Variants in TRAF3 observed in about 807,000 individuals in gnomAD.
TRAF3 encodes TNF receptor-associated factor 3.
Under a neutral mutation model 62.3 loss-of-function variants are expected in TRAF3, and 13 were observed. The ratio of observed to expected loss-of-function variants is 0.21; its 90% CI spans 0.14 to 0.33. The LOEUF (loss-of-function observed/expected upper bound fraction) is 0.33. TRAF3 is among the 10% of genes least tolerant of loss of function. The pLI, the probability that TRAF3 is intolerant of heterozygous loss-of-function variation, is 1.00. For synonymous variants in TRAF3, 269 were observed against 283.4 expected, an observed-to-expected ratio of 0.95 and a Z score of 0.51; for missense variants, 440 against 741.8, an observed-to-expected ratio of 0.59 and a Z score of 4.73.
intron 1 of TRAF3, among the ~76,000 whole-genome samples, chr14:102,798,384 A>T (rs1898214999): frequency 6.6e-6 from 1 of 152,138 alleles, no homozygotes; most frequent in Admixed American, 6.5e-5. Flanking sequence ...TCACACCTGC[A>T]ATCCCAGCAC....
At chr14:102,886,887 TATAGA>T (rs1230099664) in intron 7 of TRAF3, among the ~76,000 whole-genome samples, 2 of 152,258 alleles carry the variant, frequency 1.3e-5, no homozygotes, top group East Asian at 1.9e-4. Context: ...ATTTTAACTC[TATAGA>T]ATAGTAATTG....
chr14:102,904,501 C>A (rs1457674106), intron 11 of TRAF3, among the ~76,000 whole-genome samples: 2 of 152,030 alleles, frequency 1.3e-5, no homozygotes, highest in East Asian at 3.9e-4. Context: ...CAGAGCAAGA[C>A]CTTGCCTCTT....
At chr14:102,875,803 C>A in intron 5 of TRAF3, 75 bp downstream of exon 5, 1 of 1,299,398 alleles carries the variant, frequency 7.7e-7, no homozygotes, top group South Asian at 1.2e-5. Flanking sequence ...ATGAAGTGGT[C>A]AGTAGGATGT....
chr14:102,829,935 G>A (rs1445240772), intron 1 of TRAF3, among the ~76,000 whole-genome samples: 1 of 152,134 alleles, frequency 6.6e-6, no homozygotes, highest in Non-Finnish European at 1.5e-5. Context: ...TCTAAGACCA[G>A]CCTGGGCAAA....
chr14:102,785,296 C>T (rs946207591), intron 1 of TRAF3, among the ~76,000 whole-genome samples: 10 of 152,212 alleles, frequency 6.6e-5, no homozygotes, highest in African/African-American at 2.4e-4. Flanking sequence ...CTTACAGCAG[C>T]CTCCTCGGAT....
intron 1 of TRAF3, among the ~76,000 whole-genome samples, chr14:102,785,936 G>T (rs931060040): frequency 6.6e-6 from 1 of 152,280 alleles, no homozygotes; most frequent in African/African-American, 2.4e-5. Context: ...AGGTGGTGGC[G>T]TGAGAGCCTT....
intron 1 of TRAF3, among the ~76,000 whole-genome samples, chr14:102,814,742 C>G (rs865805103): frequency 1.3e-5 from 2 of 151,990 alleles, no homozygotes; most frequent in Admixed American, 1.3e-4. Context: ...AGGCTGGTCT[C>G]GAGCTCCTGA....
intron 1 of TRAF3, among the ~76,000 whole-genome samples, chr14:102,827,671 A>G (rs1176444567): frequency 6.6e-6 from 1 of 152,226 alleles, no homozygotes; most frequent in Non-Finnish European, 1.5e-5. Context: ...TTTTATATAC[A>G]GCACATGGTC....
At chr14:102,889,455 A>T (rs1215155171) in intron 7 of TRAF3, 105 bp from the exon 8 acceptor site, 18 of 1,181,894 alleles carry the variant, frequency 1.5e-5, no homozygotes, top group Non-Finnish European at 1.8e-5. Context: ...GTAGCGATAA[A>T]CACCATTCTT....
intron 1 of TRAF3, among the ~76,000 whole-genome samples, chr14:102,801,091 G>C (rs1045973557): frequency 6.6e-6 from 1 of 152,332 alleles, no homozygotes; most frequent in East Asian, 1.9e-4. Flanking sequence ...GCGTAAACCC[G>C]GAAGGCGGAG....
intron 6 of TRAF3, among the ~76,000 whole-genome samples, chr14:102,881,025 G>A (rs1352660671): frequency 5.3e-5 from 8 of 152,194 alleles, no homozygotes; most frequent in African/African-American, 1.9e-4. Context: ...CTCAGGAGGC[G>A]TAGGTTGCAG....
intron 5 of TRAF3, among the ~76,000 whole-genome samples, chr14:102,875,943 C>T (rs1888622995): frequency 6.6e-6 from 1 of 152,126 alleles, no homozygotes; most frequent in East Asian, 1.9e-4. Flanking sequence ...TTTTTAAACA[C>T]TCCCCCCCCT....
intron 2 of TRAF3, among the ~76,000 whole-genome samples, chr14:102,836,385 T>C (rs554966798): frequency 1.3e-5 from 2 of 152,380 alleles, no homozygotes; most frequent in South Asian, 4.1e-4. Context: ...AATAGAATAT[T>C]TTATGTTCAA....
At position 102,903,865 on chromosome 14, in the gene TRAF3, G is replaced by A. The variant is rs1257130971; in HGVS notation, c.1135+436G>A. Reference sequence around the variant, plus strand: ...ATGTTTCTGATCCACAAGCAGATGTGGGCCTATGGCTTTGGGGACTGAAAG... The same window carrying A: ...ATGTTTCTGATCCACAAGCAGATGTAGGCCTATGGCTTTGGGGACTGAAAG... On this transcript the variant is annotated intron_variant, in intron 11 of 11. Coordinates refer to ENST00000392745, the MANE Select transcript of TRAF3 (RefSeq NM_145725.3). The surrounding 1 kb of genome is among the most constrained non-coding windows in gnomAD (Gnocchi z 6.4). 1 of 450,462 alleles carries A rather than the reference G, an allele frequency of 2.2e-6. No individual in the cohort carries two copies. Among genetic ancestry groups the A allele is most frequent in the African/African-American group, 2.0e-5 (1 of 50,038 alleles). 27.9% of individuals were successfully genotyped at this position (450,462 alleles called of 1,614,324 possible). A position where few individuals can be genotyped will look rare whatever the true frequency, so the allele number is the denominator to read the frequency against.
intron 1 of TRAF3, among the ~76,000 whole-genome samples, chr14:102,816,633 C>A (rs1899541441): frequency 6.6e-6 from 1 of 152,070 alleles, no homozygotes; most frequent in African/African-American, 2.4e-5. Context: ...TCTGTTGGAC[C>A]AGAGGTATTT....
chr14:102,908,059 TATA>T lies in TRAF3; in HGVS notation c.*2279_*2281del, dbSNP rs1340552962. On this transcript the variant is annotated 3_prime_UTR_variant, in exon 12 of 12. Transcript: ENST00000392745. ...CCTGCAACTTCCCCTTCACAAAATGTATAATATTAGATGAAGGATATGCAACAT... is the reference window on the plus strand; with the variant it reads ...CCTGCAACTTCCCCTTCACAAAATGTATATTAGATGAAGGATATGCAACAT... 6.6e-6 allele frequency: 1 copy of T among 152,244 alleles called. No individual in the cohort carries two copies. Among genetic ancestry groups the T allele is most frequent in the Admixed American group, 6.5e-5 (1 of 15,290 alleles). 9.4% of individuals were successfully genotyped at this position (152,244 alleles called of 1,614,324 possible).
chr14:102,812,238 TAGTG>T (rs947519383), intron 1 of TRAF3, among the ~76,000 whole-genome samples: 2 of 152,104 alleles, frequency 1.3e-5, no homozygotes, highest in Admixed American at 6.6e-5. Flanking sequence ...CCACATGTAT[TAGTG>T]AGAACATGTG....
chr14:102,813,821 C>T (rs1173075127), intron 1 of TRAF3, among the ~76,000 whole-genome samples: 1 of 151,962 alleles, frequency 6.6e-6, no homozygotes, highest in Non-Finnish European at 1.5e-5. Flanking sequence ...ATATCAATCC[C>T]CTGTTGGATG....
intron 4 of TRAF3, 90 bp from the exon 5 acceptor site, chr14:102,875,534 T>TA: frequency 9.0e-7 from 1 of 1,106,530 alleles, no homozygotes; most frequent in Non-Finnish European, 1.3e-6. Context: ...TCTTGTTTTT[T>TA]TTTTTTAAGT....
Sources: allele counts gnomAD v4.1 joint callset (sites outside exome capture counted in the v4.1 genomes callset), GRCh38; gene constraint gnomAD v4.1.1; non-coding constraint Gnocchi (gnomAD v3.1); transcripts MANE v1.5; gene names NCBI Gene and HGNC (gene_info 2026-07-23, HGNC 2026-07-21).